Variants in PTPRK observed in about 807,000 individuals in gnomAD.
The protein encoded by PTPRK is protein tyrosine phosphatase receptor type K, also known as receptor-type tyrosine-protein phosphatase kappa.
In PTPRK, 75 loss-of-function variants were observed where a neutral mutation model predicts 178.0. That is an observed-to-expected ratio of 0.42 (90% CI 0.35 to 0.51). The LOEUF is 0.51. PTPRK is among the 20% of genes least tolerant of loss of function. The pLI is 0.02. For synonymous variants in PTPRK, 637 were observed against 620.6 expected, an observed-to-expected ratio of 1.03 and a Z score of -0.39; for missense variants, 1,441 against 1,797.8, an observed-to-expected ratio of 0.80 and a Z score of 3.59.
chr6:128,028,614 T>G (rs1774734505), intron 13 of PTPRK, among the ~76,000 whole-genome samples: 1 of 152,246 alleles, frequency 6.6e-6, no homozygotes, highest in Admixed American at 6.5e-5. Context: ...TATGGAATTC[T>G]ATTTCATGTT....
intron 1 of PTPRK, 50 bp downstream of exon 1, chr6:128,520,209 G>A: frequency 1.3e-6 from 2 of 1,503,148 alleles, no homozygotes; most frequent in Admixed American, 2.0e-5. Flanking sequence ...CTCACCCCTC[G>A]TGAGCCCAGG....
At chr6:128,165,348 C>G (rs1357424274) in intron 7 of PTPRK, among the ~76,000 whole-genome samples, 1 of 151,258 alleles carries the variant, frequency 6.6e-6, no homozygotes, top group Admixed American at 6.6e-5. Flanking sequence ...TTCCTCTTTA[C>G]ATACAGTATG....
At chr6:128,262,777 T>A (rs1266754224) in intron 3 of PTPRK, among the ~76,000 whole-genome samples, 1 of 151,348 alleles carries the variant, frequency 6.6e-6, no homozygotes, top group Non-Finnish European at 1.5e-5. Context: ...ACCCTTTCAG[T>A]CTTTTTTATA....
intron 1 of PTPRK, among the ~76,000 whole-genome samples, chr6:128,440,376 C>G (rs1346007954): frequency 6.6e-6 from 1 of 152,128 alleles, no homozygotes; most frequent in Admixed American, 6.6e-5. Context: ...CTTTCTTTCT[C>G]AATCAAAACT....
At chr6:128,130,730 G>C (rs1794099443) in intron 7 of PTPRK, among the ~76,000 whole-genome samples, 6 of 152,040 alleles carry the variant, frequency 3.9e-5, no homozygotes, top group Admixed American at 3.3e-4. Flanking sequence ...GGGACTATTT[G>C]ACCAGAAAAT....
chr6:128,229,451 T>C (rs1583587177), intron 5 of PTPRK, among the ~76,000 whole-genome samples: 2 of 152,182 alleles, frequency 1.3e-5, no homozygotes, highest in East Asian at 3.8e-4. Context: ...TGTGTATGTA[T>C]TTTTTAGCTC....
chr6:128,410,903 C>T (rs1298413717), intron 1 of PTPRK, among the ~76,000 whole-genome samples: 1 of 152,088 alleles, frequency 6.6e-6, no homozygotes, highest in African/African-American at 2.4e-5. Flanking sequence ...TGTTTATTTT[C>T]TTTTTGAGAT....
In PTPRK at chr6:128,508,666, A is replaced by G. The variant is rs567931476; in HGVS notation, c.100+11593T>C. Among the ~76,000 whole-genome samples, 3 of 152,218 alleles carry G rather than the reference A, an allele frequency of 2.0e-5. No individual in the cohort carries two copies. In the South Asian group the frequency reaches 6.2e-4, roughly 32 times the overall value. On this transcript the variant is annotated intron_variant, in intron 1 of 29. Transcript: ENST00000368226. ...AAATATTAAATGAAAAATTTCAAGCAGGGCTCTGTGGCTCACACCTGTAAT... is the reference window on the plus strand; with the variant it reads ...AAATATTAAATGAAAAATTTCAAGCGGGGCTCTGTGGCTCACACCTGTAAT...
chr6:128,348,060 A>G (rs1832651770), intron 2 of PTPRK, among the ~76,000 whole-genome samples: 1 of 152,084 alleles, frequency 6.6e-6, no homozygotes, highest in Non-Finnish European at 1.5e-5. Flanking sequence ...CATCTATTGT[A>G]GCTTTGACAC....
intron 1 of PTPRK, among the ~76,000 whole-genome samples, chr6:128,427,902 C>T (rs1844356630): frequency 6.6e-6 from 1 of 151,984 alleles, no homozygotes; most frequent in Non-Finnish European, 1.5e-5. Context: ...AGCATCCTGG[C>T]CAACAGGGTA....
At chr6:128,441,966 A>G (rs1032305304) in intron 1 of PTPRK, among the ~76,000 whole-genome samples, 2 of 152,098 alleles carry the variant, frequency 1.3e-5, no homozygotes, top group Non-Finnish European at 2.9e-5. Flanking sequence ...TCAAAACTAA[A>G]TCTCCAGAGA....
intron 13 of PTPRK, among the ~76,000 whole-genome samples, chr6:128,045,494 T>C (rs1777898152): frequency 1.3e-5 from 2 of 152,042 alleles, no homozygotes; most frequent in Non-Finnish European, 2.9e-5. Flanking sequence ...TAAGAGGGTA[T>C]GTGGGGACAG....
chr6:128,301,977 G>A (rs1489469959), intron 3 of PTPRK, among the ~76,000 whole-genome samples: 1 of 152,130 alleles, frequency 6.6e-6, no homozygotes, highest in Admixed American at 6.5e-5. Context: ...TTGGCCTTCT[G>A]TTAAGAATAG....
intron 2 of PTPRK, among the ~76,000 whole-genome samples, chr6:128,361,022 G>A (rs1562356736): frequency 2.0e-5 from 3 of 152,038 alleles, no homozygotes; most frequent in African/African-American, 7.2e-5. Flanking sequence ...AGCAAATTAA[G>A]AATAATTAAC....
chr6:128,167,627 T>TA (rs900135953), intron 7 of PTPRK, among the ~76,000 whole-genome samples: 16 of 152,044 alleles, frequency 1.1e-4, no homozygotes, highest in African/African-American at 3.9e-4. Context: ...AATTCCTAGA[T>TA]AATTTTAAGT....
chr6:127,973,261 T>C lies in PTPRK; in HGVS notation c.4134-104A>G, dbSNP rs2114604446. On this transcript the variant is annotated intron_variant, in intron 28 of 29. Coordinates refer to ENST00000368226, the MANE Select transcript of PTPRK (RefSeq NM_002844.4). ...AAATAAGACATTGTAGTTTTAATTG[T>C]TTTCCATTTGTGTCTTAATTTTGCT... 2.6e-6 allele frequency: 4 copies of C among 1,529,788 alleles called. No individual in the cohort carries two copies. The Middle Eastern group carries it at 7.0e-4, about 269-fold the overall frequency. The allele number at this position is 1,529,788 out of a possible 1,614,324, so 94.8% of individuals were successfully genotyped here.
chr6:128,510,848 G>A, intron 1 of PTPRK, among the ~76,000 whole-genome samples: 1 of 151,648 alleles, frequency 6.6e-6, no homozygotes, highest in East Asian at 1.9e-4. Flanking sequence ...ATAGATTACT[G>A]TTAAGGAAAA....
intron 1 of PTPRK, among the ~76,000 whole-genome samples, chr6:128,449,268 T>A (rs901640076): frequency 5.9e-5 from 9 of 152,162 alleles, no homozygotes; most frequent in Admixed American, 5.9e-4. Flanking sequence ...ACTTACACCA[T>A]TGAAAAAGAG....
intron 3 of PTPRK, among the ~76,000 whole-genome samples, chr6:128,293,102 G>C (rs562301778): frequency 6.6e-6 from 1 of 152,058 alleles, no homozygotes; most frequent in South Asian, 2.1e-4. Context: ...CAATTATTAT[G>C]AAAGTCAAAG....
Sources: gnomAD v4.1 joint callset for allele counts (sites outside exome capture counted in the v4.1 genomes callset) on GRCh38, gnomAD v4.1.1 for gene constraint, MANE v1.5 for transcripts, NCBI Gene and HGNC (gene_info 2026-07-23, HGNC 2026-07-21) for gene names.